The following CIMAP1D variants were observed in gnomAD, a reference collection of about 807,000 sequenced individuals.
CIMAP1D encodes the protein protein CIMAP1D.
chr19:474,742 C>T, the CIMAP1D span: 5 of 1,532,516 alleles, frequency 3.3e-6, no homozygotes, highest in South Asian at 3.7e-5. Context: ...AGCTGAGGGT[C>T]CCCATGGTGG....
chr19:473,436 C>A, the CIMAP1D span, among the ~76,000 whole-genome samples: 4 of 55,578 alleles, frequency 7.2e-5, no homozygotes, highest in Non-Finnish European at 9.2e-5. Context: ...CAGAGATACA[C>A]GATCACAGAT....
At chr19:487,538 C>T in the CIMAP1D span, among the ~76,000 whole-genome samples, 2 of 152,302 alleles carry the variant, frequency 1.3e-5, no homozygotes, top group African/African-American at 2.4e-5. Flanking sequence ...GGGCGCATGA[C>T]GTGTGCCTGT....
the CIMAP1D span, chr19:490,387 A>C: frequency 6.0e-6 from 1 of 167,266 alleles, no homozygotes. Flanking sequence ...ACGTAAAACA[A>C]AGATGTATCT....
chr19:484,074 C>T, the CIMAP1D span, among the ~76,000 whole-genome samples: 90 of 152,162 alleles, frequency 5.9e-4, no homozygotes, highest in Middle Eastern at 6.8e-3. Flanking sequence ...TCGGAACAAC[C>T]GCAAATAATG....
the CIMAP1D span, chr19:474,607 C>G: frequency 0.048 from 72,228 of 1,507,480 alleles, 5,175 homozygotes; most frequent in African/African-American, 0.26. Flanking sequence ...CCATCCCCCA[C>G]GGCTGGCACG....
At chr19:487,567 G>C in the CIMAP1D span, among the ~76,000 whole-genome samples, 3 of 151,946 alleles carry the variant, frequency 2.0e-5, no homozygotes, top group Non-Finnish European at 2.9e-5. Context: ...CACTTTGGAA[G>C]GCCGAGGCGG....
At chr19:481,182 T>G in the CIMAP1D span, among the ~76,000 whole-genome samples, 4 of 107,818 alleles carry the variant, frequency 3.7e-5, no homozygotes, top group Admixed American at 1.9e-4. Flanking sequence ...GGAGAAGGAA[T>G]GTGGGAAGGA....
chr19:464,021 C>T, the CIMAP1D span: 8 of 1,602,636 alleles, frequency 5.0e-6, no homozygotes, highest in Admixed American at 1.7e-5. Context: ...CCAGGGGTCG[C>T]GGGGCCCGGG....
the CIMAP1D span, among the ~76,000 whole-genome samples, chr19:478,209 C>T: frequency 6.6e-6 from 1 of 152,242 alleles, no homozygotes; most frequent in African/African-American, 2.4e-5. Context: ...AGCCGAAGTG[C>T]AGGACCCCAG....
At chr19:487,196 CCA>C in the CIMAP1D span, among the ~76,000 whole-genome samples, 1 of 152,154 alleles carries the variant, frequency 6.6e-6, no homozygotes, top group Non-Finnish European at 1.5e-5. Context: ...GCTCCTGAGC[CCA>C]CTGTGAAGTT....
At chr19:486,035 C>A in the CIMAP1D span, among the ~76,000 whole-genome samples, 1 of 152,236 alleles carries the variant, frequency 6.6e-6, no homozygotes, top group African/African-American at 2.4e-5. Flanking sequence ...CACAGAGAAC[C>A]TGCCAGCTCC....
chr19:472,376 C>T, the CIMAP1D span: 1 of 1,412,762 alleles, frequency 7.1e-7, no homozygotes, highest in Non-Finnish European at 9.4e-7. Flanking sequence ...CCTCCAGCCG[C>T]CCACTCGCCC....
At chr19:484,589 G>A in the CIMAP1D span, among the ~76,000 whole-genome samples, 3 of 152,224 alleles carry the variant, frequency 2.0e-5, no homozygotes, top group South Asian at 4.1e-4. Flanking sequence ...CGTTAGCAAA[G>A]GCCTGGAGGA....
the CIMAP1D span, among the ~76,000 whole-genome samples, chr19:470,418 A>G: frequency 6.6e-5 from 10 of 151,078 alleles, no homozygotes; most frequent in East Asian, 1.8e-3. Context: ...TCACCATGTT[A>G]GCCAGGATGG....
chr19:484,438 G>A, the CIMAP1D span, among the ~76,000 whole-genome samples: 3 of 152,272 alleles, frequency 2.0e-5, no homozygotes, highest in South Asian at 6.2e-4. Context: ...ACCGCGCCTG[G>A]CCTCTTGTTT....
the CIMAP1D span, among the ~76,000 whole-genome samples, chr19:482,599 G>A: frequency 4.8e-5 from 4 of 83,614 alleles, no homozygotes; most frequent in Admixed American, 2.4e-4. Context: ...GGGTGAGATC[G>A]GCAGGGCGTC....
At chr19:487,662 C>T in the CIMAP1D span, among the ~76,000 whole-genome samples, 1 of 151,956 alleles carries the variant, frequency 6.6e-6, no homozygotes, top group Non-Finnish European at 1.5e-5. Context: ...AGAGTGAGAC[C>T]CTGTGTCAAA....
At chr19:466,030 A>G in the CIMAP1D span, among the ~76,000 whole-genome samples, 4 of 100,790 alleles carry the variant, frequency 4.0e-5, no homozygotes, top group African/African-American at 9.5e-5. Flanking sequence ...GGATAGATGG[A>G]TGGGTGGGTG....
chr19:482,472 T>G, the CIMAP1D span, among the ~76,000 whole-genome samples: 1 of 152,184 alleles, frequency 6.6e-6, no homozygotes, highest in Non-Finnish European at 1.5e-5. Flanking sequence ...TGACATCTAG[T>G]GACTGGAGAA....
Sources: gnomAD v4.1 joint callset for allele counts (sites outside exome capture counted in the v4.1 genomes callset) on GRCh38, gnomAD v4.1.1 for gene constraint, MANE v1.5 for transcripts, NCBI Gene and HGNC (gene_info 2026-07-23, HGNC 2026-07-21) for gene names.